The following ACOT9 variants were observed in gnomAD, a reference collection of about 807,000 sequenced individuals.
ACOT9 encodes the protein acyl-coenzyme A thioesterase 9, mitochondrial.
Under a neutral mutation model 39.7 loss-of-function variants are expected in ACOT9, and 34 were observed. The ratio of observed to expected loss-of-function variants is 0.86; its 90% CI spans 0.65 to 1.14. The LOEUF is 1.14. Ranked by LOEUF, ACOT9 falls within the 50% of genes most tolerant of loss-of-function variation. The pLI is 0.00. For missense variants in ACOT9, 313 were observed against 344.1 expected (o/e 0.91, Z 0.71); for synonymous variants, 110 against 120.5 (o/e 0.91, Z 0.57).
chrX:23,712,697 TGC>T (rs1216313974), intron 9 of ACOT9, among the ~76,000 whole-genome samples: 1 of 111,924 alleles, frequency 8.9e-6, no homozygotes, highest in African/African-American at 3.2e-5. Flanking sequence ...CTCGGCACAC[TGC>T]AACTTCCACC....
chrX:23,726,656 A>AT (rs1298654560), intron 6 of ACOT9, among the ~76,000 whole-genome samples: 6 of 88,373 alleles, frequency 6.8e-5, no homozygotes, highest in East Asian at 7.7e-4. Context: ...AGGAAAGAGG[A>AT]TTTTTTACTT....
In ACOT9 at chrX:23,707,811, T is replaced by C. The variant is rs1928752360; in HGVS notation, c.730+66A>G. Reference sequence around the variant, plus strand: ...TGAAGAGCCCATATAAAATCTTAAATAATCTCTTCTGCAGCGTAATTAATG... The same window carrying C: ...TGAAGAGCCCATATAAAATCTTAAACAATCTCTTCTGCAGCGTAATTAATG... On this transcript the variant is annotated intron_variant, in intron 10 of 15. Coordinates refer to ENST00000379303, the MANE Select transcript of ACOT9 (RefSeq NM_001037171.2). The C allele has an allele frequency of 8.5e-6, 7 of 825,502 alleles. No homozygotes were observed. In the South Asian group the frequency reaches 1.9e-4, roughly 23 times the overall value. The allele number at this position is 825,502 out of a possible 1,213,427, so 68.0% of individuals were successfully genotyped here.
At chrX:23,711,907 G>T (rs1358719306) in intron 9 of ACOT9, among the ~76,000 whole-genome samples, 1 of 111,119 alleles carries the variant, frequency 9.0e-6, no homozygotes, top group African/African-American at 3.3e-5. Context: ...CAAGGCTTTA[G>T]ATCTAACTTC....
intron 2 of ACOT9, 61 bp downstream of exon 2, chrX:23,735,858 C>T: frequency 1.9e-6 from 2 of 1,049,282 alleles, no homozygotes; most frequent in Non-Finnish European, 2.6e-6. Flanking sequence ...ATATACCTTT[C>T]AAATAAAAGT....
chrX:23,731,517 T>C (rs1243833677), intron 4 of ACOT9, among the ~76,000 whole-genome samples: 1 of 107,636 alleles, frequency 9.3e-6, no homozygotes, highest in Non-Finnish European at 1.9e-5. Flanking sequence ...GATATAGATA[T>C]ACCCAAATGA....
chrX:23,734,622 T>G, intron 2 of ACOT9, among the ~76,000 whole-genome samples: 1 of 112,034 alleles, frequency 8.9e-6, no homozygotes, highest in Non-Finnish European at 1.9e-5. Context: ...TCAAACAATT[T>G]TGGATACACC....
rs1928632268 is a variant in ACOT9 at position 23,705,088 on chromosome X, GGGAAA to G, written c.1020-13_1020-9del. The G allele has an allele frequency of 5.0e-6, 6 of 1,204,058 alleles. No homozygotes were observed. In the South Asian group the frequency reaches 1.1e-4, roughly 22 times the overall value. On this transcript the variant is annotated splice_polypyrimidine_tract_variant and intron_variant, in intron 13 of 15. Coordinates refer to ENST00000379303, the MANE Select transcript of ACOT9 (RefSeq NM_001037171.2). ...ACAAACGGTCGAGAACCACTGTTGG[GGGAAA>G]GGACAGAATTTGGGGTATATTGCAA...
intron 15 of ACOT9, among the ~76,000 whole-genome samples, 184 bp from the exon 16 acceptor site, chrX:23,704,166 GTTTT>G (rs1162671112): frequency 1.4e-4 from 9 of 66,320 alleles, no homozygotes; most frequent in Non-Finnish European, 1.9e-4. Context: ...GGCTGGATCA[GTTTT>G]TTTTTTTTTT....
Position 23,742,978 on chromosome X carries a change from G to A in ACOT9, c.20+147C>T, listed in dbSNP as rs937164149. The A allele has an allele frequency of 6.9e-6, 5 of 719,443 alleles. No individual in the cohort carries two copies. In the African/African-American group the frequency reaches 1.1e-4, roughly 16 times the overall value. The allele number at this position is 719,443 out of a possible 1,213,427, so 59.3% of individuals were successfully genotyped here. On this transcript the variant is annotated intron_variant, in intron 1 of 15. Transcript: ENST00000379303. ...CCGGCGGGCTTATGTCCGGTCGGAGGTACAGTGGGCGAGCGCCCCTTATCA... is the reference window on the plus strand; with the variant it reads ...CCGGCGGGCTTATGTCCGGTCGGAGATACAGTGGGCGAGCGCCCCTTATCA...
At chrX:23,732,017 T>C (rs764987335) in intron 4 of ACOT9, among the ~76,000 whole-genome samples, 18 of 111,319 alleles carry the variant, frequency 1.6e-4, no homozygotes, top group Non-Finnish European at 2.8e-4. Flanking sequence ...GAGGAATGAG[T>C]TAAATGACAC....
intron 13 of ACOT9, 147 bp downstream of exon 13, chrX:23,705,362 A>C: frequency 1.9e-6 from 1 of 526,620 alleles, no homozygotes; most frequent in East Asian, 3.3e-5. Context: ...TCTAAAATGA[A>C]GATCAAATTC....
intron 8 of ACOT9, among the ~76,000 whole-genome samples, chrX:23,717,518 A>G (rs1446290183): frequency 1.8e-5 from 2 of 111,571 alleles, no homozygotes; most frequent in East Asian, 5.6e-4. Context: ...CCAAAAGGAT[A>G]TGGGGAGAAA....
intron 6 of ACOT9, among the ~76,000 whole-genome samples, chrX:23,727,866 G>A (rs2146844791): frequency 9.3e-6 from 1 of 107,810 alleles, no homozygotes; most frequent in East Asian, 3.0e-4. Flanking sequence ...AGATGTGATG[G>A]CGGGTGCCTG....
At chrX:23,729,042 T>A (rs1034815562) in intron 6 of ACOT9, among the ~76,000 whole-genome samples, 1 of 99,364 alleles carries the variant, frequency 1.0e-5, no homozygotes, top group Non-Finnish European at 2.0e-5. Flanking sequence ...GAATTGAAAG[T>A]CTGATGAAGG....
chrX:23,724,423 C>T (rs982572232), intron 6 of ACOT9, among the ~76,000 whole-genome samples: 1 of 111,150 alleles, frequency 9.0e-6, no homozygotes, highest in Non-Finnish European at 1.9e-5. Context: ...TCACGTGAGC[C>T]CAGAGCTTGA....
At chrX:23,710,217 A>G (rs1928845756) in intron 9 of ACOT9, among the ~76,000 whole-genome samples, 1 of 112,063 alleles carries the variant, frequency 8.9e-6, no homozygotes, top group African/African-American at 3.2e-5. Flanking sequence ...TTTGTTTAAA[A>G]TATATCCTAG....
intron 6 of ACOT9, among the ~76,000 whole-genome samples, chrX:23,728,089 T>G (rs1434686496): frequency 9.2e-6 from 1 of 108,446 alleles, no homozygotes. Flanking sequence ...AGCCCAGGAG[T>G]TCACGAAAAA....
intron 6 of ACOT9, among the ~76,000 whole-genome samples, chrX:23,728,979 T>C (rs1229513911): frequency 1.8e-5 from 2 of 111,576 alleles, no homozygotes; most frequent in African/African-American, 3.3e-5. Flanking sequence ...TAACATATTA[T>C]AGTCCATTCA....
chrX:23,738,746 G>C (rs1003982140), intron 1 of ACOT9, among the ~76,000 whole-genome samples: 1 of 112,063 alleles, frequency 8.9e-6, no homozygotes, highest in African/African-American at 3.2e-5. Context: ...AACTATAATA[G>C]ACACGTTAAA....
Sources: gnomAD v4.1 joint callset for allele counts (sites outside exome capture counted in the v4.1 genomes callset) on GRCh38, gnomAD v4.1.1 for gene constraint, MANE v1.5 for transcripts, NCBI Gene and HGNC (gene_info 2026-07-23, HGNC 2026-07-21) for gene names.